Variants in APBA2 observed in about 807,000 individuals in gnomAD.
The protein encoded by APBA2 is amyloid-beta A4 precursor protein-binding family A member 2.
A neutral mutation model predicts 75.0 loss-of-function variants in APBA2; 30 were observed. The ratio of observed to expected loss-of-function variants is 0.40; its 90% confidence interval spans 0.30 to 0.54. The LOEUF (loss-of-function observed/expected upper bound fraction) is 0.54. Among genes scored for constraint, APBA2 ranks in the 20% least tolerant of loss-of-function variants. The pLI is 0.49. For synonymous variants in APBA2, 444 were observed against 409.6 expected (o/e 1.08, Z -1.01); for missense variants, 801 against 1,016.1 (o/e 0.79, Z 2.88).
chr15:28,910,546 G>T (rs146253561), intron 1 of APBA2, among the ~76,000 whole-genome samples: 1 of 152,208 alleles, frequency 6.6e-6, no homozygotes, highest in Non-Finnish European at 1.5e-5. Flanking sequence ...ACCCATGGAG[G>T]GGGTGGTGAA....
chr15:29,063,369 G>T, intron 4 of APBA2, among the ~76,000 whole-genome samples: 1 of 133,348 alleles, frequency 7.5e-6, no homozygotes, highest in African/African-American at 2.8e-5. Context: ...AGTTGATCTG[G>T]TCAGTGTCTG....
intron 3 of APBA2, among the ~76,000 whole-genome samples, chr15:29,017,397 CTTTTTT>C (rs56993296): frequency 2.9e-4 from 30 of 102,058 alleles, no homozygotes; most frequent in East Asian, 2.3e-3. Context: ...TTCTTTCTTT[CTTTTTT>C]TTTTTTTTTT....
At chr15:29,066,219 A>T (rs1345571976) in intron 4 of APBA2, among the ~76,000 whole-genome samples, 1 of 152,150 alleles carries the variant, frequency 6.6e-6, no homozygotes, top group Non-Finnish European at 1.5e-5. Flanking sequence ...GAGGGAGGTC[A>T]TCCAGCCATT....
intron 2 of APBA2, among the ~76,000 whole-genome samples, chr15:28,968,812 G>T (rs566915852): frequency 6.6e-6 from 1 of 152,330 alleles, no homozygotes; most frequent in African/African-American, 2.4e-5. Flanking sequence ...AGGAAATGCG[G>T]AAGCAGACAC....
rs551670486 is a variant in APBA2 at position 29,047,248 on chromosome 15, T to C, written c.-40-6597T>C. ...AGTCTTTGAAGACGTGGCTGCCTTC[T>C]GGGTAGCTGCTGTGGGTCCCTTACC... On this transcript the variant is annotated intron_variant, in intron 3 of 14. Transcript: ENST00000683413. Among the ~76,000 whole-genome samples the C allele has an allele frequency of 1.8e-4, 28 of 152,320 alleles. No individual in the cohort carries two copies. The South Asian group carries it at 5.8e-3, about 32-fold the overall frequency.
intron 1 of APBA2, among the ~76,000 whole-genome samples, chr15:28,913,162 G>A (rs2033511042): frequency 6.6e-6 from 1 of 152,230 alleles, no homozygotes; most frequent in African/African-American, 2.4e-5. Context: ...GGGTTGGCTT[G>A]GGTCAGGCTG....
intron 4 of APBA2, among the ~76,000 whole-genome samples, chr15:29,059,601 A>C (rs1026326184): frequency 3.3e-5 from 5 of 152,216 alleles, no homozygotes; most frequent in African/African-American, 1.2e-4. Context: ...TTAATTATTT[A>C]TAAGAAATCT....
At chr15:29,107,615 C>A (rs753879079) in intron 12 of APBA2, among the ~76,000 whole-genome samples, 6 of 152,186 alleles carry the variant, frequency 3.9e-5, no homozygotes, top group Non-Finnish European at 8.8e-5. Flanking sequence ...GATGGGCAGC[C>A]ACACAGAGAG....
intron 3 of APBA2, among the ~76,000 whole-genome samples, chr15:29,041,040 GA>G (rs57122005): frequency 0.21 from 31,562 of 150,816 alleles, 4,101 homozygotes; most frequent in East Asian, 0.45. Context: ...AAAAAAAAAA[GA>G]AAAAAATAGG....
chr15:29,061,084 G>A (rs931754193), intron 4 of APBA2, among the ~76,000 whole-genome samples: 1 of 152,184 alleles, frequency 6.6e-6, no homozygotes, highest in African/African-American at 2.4e-5. Context: ...GGCACCATAA[G>A]AGCGTTTGTC....
rs143603114 is a variant in APBA2 at position 29,117,746 on chromosome 15, C to CTGTT, written c.*616_*619dup. Reference sequence around the variant, plus strand: ...CATATTTATTTAGATGCTATTATTACTGTTTGGACTTTTATTTTGGCAGGC... The same window carrying CTGTT: ...CATATTTATTTAGATGCTATTATTACTGTTTGTTTGGACTTTTATTTTGGCAGGC... On this transcript the variant is annotated 3_prime_UTR_variant, in exon 15 of 15. Coordinates refer to ENST00000683413, the MANE Select transcript of APBA2 (RefSeq NM_001353788.2). 5,369 of 152,622 alleles carry CTGTT rather than the reference C, an allele frequency of 0.035. 127 individuals carry two copies. Among genetic ancestry groups the CTGTT allele is most frequent in the Non-Finnish European group, 0.051 (3,505 of 69,046 alleles). The allele number at this position is 152,622 out of a possible 1,614,324, so 9.5% of individuals were successfully genotyped here.
chr15:29,070,703 C>G (rs1215555739), intron 4 of APBA2: 16 of 206,494 alleles, frequency 7.7e-5, no homozygotes, highest in Non-Finnish European at 1.1e-4. Flanking sequence ...CTCTGTGCTG[C>G]TGAGTGAGAC....
At chr15:29,087,726 C>A (rs577565799) in intron 6 of APBA2, among the ~76,000 whole-genome samples, 1 of 152,010 alleles carries the variant, frequency 6.6e-6, no homozygotes, top group South Asian at 2.1e-4. Flanking sequence ...TACTCACCCA[C>A]TCCTGCCTCC....
At chr15:28,956,111 C>T (rs1358046305) in intron 2 of APBA2, among the ~76,000 whole-genome samples, 1 of 152,162 alleles carries the variant, frequency 6.6e-6, no homozygotes, top group African/African-American at 2.4e-5. Context: ...GCTGGTCATC[C>T]TCAGCAGTAG....
intron 10 of APBA2, among the ~76,000 whole-genome samples, chr15:29,103,204 G>T (rs2044219380): frequency 6.6e-6 from 1 of 152,216 alleles, no homozygotes; most frequent in African/African-American, 2.4e-5. Flanking sequence ...AGTTTCCAAG[G>T]GGCACTGAGA....
rs533695934 is a variant in APBA2, at chr15:28,908,415, A to G, written c.-204-13225A>G. Among the ~76,000 whole-genome samples, 14 of 150,754 alleles carry G rather than the reference A, an allele frequency of 9.3e-5. No individual in the cohort carries two copies. In the South Asian group the frequency reaches 2.9e-3, roughly 32 times the overall value. On this transcript the variant is annotated intron_variant, in intron 1 of 14. Coordinates refer to ENST00000683413, the MANE Select transcript of APBA2 (RefSeq NM_001353788.2). Reference sequence around the variant, plus strand: ...AAGCTCCGCCTCCCAGGTTCACGCCATTCTCCTGCCTCAGCCTCCCAAGTA... The same window carrying G: ...AAGCTCCGCCTCCCAGGTTCACGCCGTTCTCCTGCCTCAGCCTCCCAAGTA...
At chr15:29,090,790 TG>T in intron 6 of APBA2, among the ~76,000 whole-genome samples, 1 of 152,210 alleles carries the variant, frequency 6.6e-6, no homozygotes, top group East Asian at 1.9e-4. Flanking sequence ...CCATGCTCAC[TG>T]GGGACGGCAA....
intron 14 of APBA2, among the ~76,000 whole-genome samples, chr15:29,114,925 GTGTA>G (rs985175030): frequency 1.8e-5 from 2 of 109,094 alleles, no homozygotes; most frequent in East Asian, 2.5e-4. Context: ...AAGCATGAGT[GTGTA>G]TGTGTGCACG....
At chr15:28,993,209 C>T (rs938829019) in intron 2 of APBA2, among the ~76,000 whole-genome samples, 82 of 152,308 alleles carry the variant, frequency 5.4e-4, no homozygotes, top group African/African-American at 1.3e-3. Flanking sequence ...AGGGACTTCC[C>T]GGCTCTCGTG....
Sources: allele counts gnomAD v4.1 joint callset (sites outside exome capture counted in the v4.1 genomes callset), GRCh38; gene constraint gnomAD v4.1.1; transcripts MANE v1.5; gene names NCBI Gene and HGNC (gene_info 2026-07-23, HGNC 2026-07-21).